Variants in PSD3 observed in about 807,000 individuals in gnomAD.
PSD3 encodes PH and SEC7 domain-containing protein 3.
PSD3 carries 49 observed loss-of-function variants against 105.5 expected under a neutral mutation model. The ratio of observed to expected loss-of-function variants is 0.46; its 90% CI spans 0.37 to 0.59. The LOEUF is 0.59. Ranked by LOEUF, PSD3 falls within the 20% of genes least tolerant of loss-of-function variation. PSD3 has a pLI of 0.00. For missense variants in PSD3, 1,561 were observed against 1,263.8 expected, an observed-to-expected ratio of 1.24 and a Z score of -3.57; for synonymous variants, 557 against 457.8, an observed-to-expected ratio of 1.22 and a Z score of -2.77.
intron 14 of PSD3, among the ~76,000 whole-genome samples, chr8:18,562,746 G>C (rs371616794): frequency 6.6e-6 from 1 of 152,012 alleles, no homozygotes; most frequent in African/African-American, 2.4e-5. Flanking sequence ...AAAATTAGCC[G>C]GGTGTGGTGG....
Position 19,000,396 on chromosome 8 carries a change from G to GAA in PSD3, c.21+13165_21+13166dup, listed in dbSNP as rs147279826. 5.5e-3 allele frequency among the ~76,000 whole-genome samples: 740 copies of GAA among 133,454 alleles called. 9 individuals carry two copies. Among genetic ancestry groups the GAA allele is most frequent in the African/African-American group, 0.012 (430 of 35,578 alleles). 87.6% of individuals were successfully genotyped at this position (133,454 alleles called of 152,430 possible). On this transcript the variant is annotated intron_variant, in intron 1 of 15. Coordinates refer to ENST00000327040, the MANE Select transcript of PSD3 (RefSeq NM_015310.4). Reference sequence around the variant, plus strand: ...TTGCTGACAGAGCAAGGCTCTGTCTGAAAAAAAAAAAAGAGAGAGAAAAAA... The same window carrying GAA: ...TTGCTGACAGAGCAAGGCTCTGTCTGAAAAAAAAAAAAAAGAGAGAGAAAAAA...
At chr8:18,706,444 A>G (rs774338989) in intron 9 of PSD3, among the ~76,000 whole-genome samples, 2 of 152,226 alleles carry the variant, frequency 1.3e-5, no homozygotes, top group Non-Finnish European at 2.9e-5. Flanking sequence ...ATAGGTCAAC[A>G]AACTAAAAGG....
At chr8:18,542,362 C>T (rs1406979710) in intron 15 of PSD3, among the ~76,000 whole-genome samples, 1 of 152,132 alleles carries the variant, frequency 6.6e-6, no homozygotes, top group Non-Finnish European at 1.5e-5. Flanking sequence ...TACATAATTC[C>T]ATACTAACCT....
chr8:19,059,761 A>G (rs915553610), intron 1 of PSD3, among the ~76,000 whole-genome samples: 5 of 152,208 alleles, frequency 3.3e-5, no homozygotes, highest in African/African-American at 1.2e-4. Context: ...GAAATAAACA[A>G]TTCACAGAAA....
At chr8:18,684,174 C>G (rs1800530665) in intron 9 of PSD3, 1 of 361,720 alleles carries the variant, frequency 2.8e-6, no homozygotes, top group Non-Finnish European at 5.1e-6. Context: ...GAAAAAAATG[C>G]AATCCACCCC....
At chr8:19,057,847 A>G (rs10105240) in intron 1 of PSD3, among the ~76,000 whole-genome samples, 22,084 of 152,218 alleles carry the variant, frequency 0.15, 1,881 homozygotes, top group East Asian at 0.24. Flanking sequence ...GTGGGCGTGC[A>G]AAATGACAGG....
At chr8:18,655,059 C>T (rs760280089) in intron 10 of PSD3, among the ~76,000 whole-genome samples, 3 of 152,026 alleles carry the variant, frequency 2.0e-5, no homozygotes, top group Admixed American at 6.6e-5. Flanking sequence ...CGTGGTCGCT[C>T]ACTCCTGTAA....
intron 1 of PSD3, among the ~76,000 whole-genome samples, chr8:19,071,417 T>A (rs13276640): frequency 0.28 from 42,237 of 151,996 alleles, 6,185 homozygotes; most frequent in South Asian, 0.36. Context: ...CCTTTCTTCC[T>A]GCCTAACCCT....
At chr8:18,843,212 T>A (rs902525969) in intron 4 of PSD3, among the ~76,000 whole-genome samples, 1 of 151,852 alleles carries the variant, frequency 6.6e-6, no homozygotes, top group East Asian at 1.9e-4. Flanking sequence ...TACAAAAAAA[T>A]TAGCCAGGTG....
In PSD3 at chr8:18,717,687, C is replaced by G. The variant is rs568760823; in HGVS notation, c.2172+47762G>C. On this transcript the variant is annotated intron_variant, in intron 9 of 15. Transcript: ENST00000327040. ...CTTTGATGAAGGGTCACACTATAACCACTTGAGTCAACTCCTGACTTTTTG... is the reference window on the plus strand; with the variant it reads ...CTTTGATGAAGGGTCACACTATAACGACTTGAGTCAACTCCTGACTTTTTG... Among the ~76,000 whole-genome samples, 59 of 152,286 alleles carry G rather than the reference C, an allele frequency of 3.9e-4. 2 individuals carry two copies. In the South Asian group the frequency reaches 0.012, roughly 31 times the overall value.
intron 11 of PSD3, among the ~76,000 whole-genome samples, chr8:18,621,688 A>AC (rs912328528): frequency 2.6e-5 from 4 of 152,132 alleles, no homozygotes; most frequent in Non-Finnish European, 4.4e-5. Context: ...TTAACATCTT[A>AC]AACTGCTCCG....
At position 18,534,146 on chromosome 8, in the gene PSD3, T is replaced by C. The variant is rs1247982105; in HGVS notation, c.*1597A>G. 2 of 152,328 alleles carry C rather than the reference T, an allele frequency of 1.3e-5. No individual in the cohort carries two copies. The highest frequency in any genetic ancestry group is 6.5e-5 in the Admixed American group (1 of 15,280). The allele number at this position is 152,328 out of a possible 1,614,324, so 9.4% of individuals were successfully genotyped here. On this transcript the variant is annotated 3_prime_UTR_variant, in exon 16 of 16. Coordinates refer to ENST00000327040, the MANE Select transcript of PSD3 (RefSeq NM_015310.4). Reference sequence around the variant, plus strand: ...GGTTTTCTCTAATTCACTGGAACCATGCTATTCCTGTAGAGCAGCTGATTC... The same window carrying C: ...GGTTTTCTCTAATTCACTGGAACCACGCTATTCCTGTAGAGCAGCTGATTC...
intron 10 of PSD3, among the ~76,000 whole-genome samples, chr8:18,654,619 T>C (rs1265995087): frequency 2.0e-5 from 3 of 152,216 alleles, no homozygotes; most frequent in Non-Finnish European, 4.4e-5. Context: ...AGCTCATCTT[T>C]AATAGTATTT....
At chr8:18,746,571 G>C (rs923216280) in intron 9 of PSD3, among the ~76,000 whole-genome samples, 1 of 152,178 alleles carries the variant, frequency 6.6e-6, no homozygotes, top group African/African-American at 2.4e-5. Flanking sequence ...GAAAAATTCT[G>C]CATCAGTAAT....
chr8:18,974,681 AAAAC>A (rs1586560552), intron 1 of PSD3, among the ~76,000 whole-genome samples: 1 of 151,906 alleles, frequency 6.6e-6, no homozygotes, highest in East Asian at 1.9e-4. Context: ...TCAAAAAAAA[AAAAC>A]AAAAAACAGT....
chr8:18,572,793 A>T, intron 13 of PSD3, 121 bp from the exon 14 acceptor site: 1 of 1,144,590 alleles, frequency 8.7e-7, no homozygotes, highest in Non-Finnish European at 1.2e-6. Flanking sequence ...TCCTGGTACA[A>T]CTAATCCCTG....
chr8:18,858,070 A>T (rs375370872), intron 4 of PSD3, among the ~76,000 whole-genome samples: 1 of 152,206 alleles, frequency 6.6e-6, no homozygotes, highest in African/African-American at 2.4e-5. Flanking sequence ...TCAAGTACTA[A>T]AAATGAAGGC....
intron 4 of PSD3, among the ~76,000 whole-genome samples, chr8:18,822,495 T>G (rs1182855376): frequency 2.6e-5 from 4 of 152,174 alleles, no homozygotes; most frequent in African/African-American, 9.7e-5. Context: ...GAGAATAAAG[T>G]AGAATCATCC....
chr8:19,076,532 C>A (rs1829467555), intron 1 of PSD3, among the ~76,000 whole-genome samples: 1 of 151,950 alleles, frequency 6.6e-6, no homozygotes, highest in Non-Finnish European at 1.5e-5. Context: ...CCTAAGGGTA[C>A]CAGCAAGCAA....
Sources: gnomAD v4.1 joint callset for allele counts (sites outside exome capture counted in the v4.1 genomes callset) on GRCh38, gnomAD v4.1.1 for gene constraint, MANE v1.5 for transcripts, NCBI Gene and HGNC (gene_info 2026-07-23, HGNC 2026-07-21) for gene names.